GAS7: variants seen among roughly 807,000 people sequenced by gnomAD.
GAS7 encodes growth arrest specific 7.
A neutral mutation model predicts 71.1 loss-of-function variants in GAS7; 28 were observed. That is an observed-to-expected ratio of 0.39 (90% confidence interval 0.29 to 0.54). The LOEUF is 0.54. GAS7 is among the 20% of genes least tolerant of loss of function. GAS7 has a pLI of 0.62. For missense variants in GAS7, 436 were observed against 627.8 expected (o/e 0.69, Z 3.27); for synonymous variants, 258 against 245.8 (o/e 1.05, Z -0.46).
intron 1 of GAS7, among the ~76,000 whole-genome samples, chr17:10,078,955 G>A (rs1378180006): frequency 6.6e-6 from 1 of 152,198 alleles, no homozygotes; most frequent in African/African-American, 2.4e-5. Context: ...TTGGGAAGCT[G>A]AGGTGGGAAG....
At chr17:9,983,185 TTGTGAATACCTTTCCAAAATC>T (rs1008299620) in intron 2 of GAS7, among the ~76,000 whole-genome samples, 5 of 152,146 alleles carry the variant, frequency 3.3e-5, no homozygotes, top group African/African-American at 1.2e-4. Flanking sequence ...GTATAAATTT[TTGTGAATACCTTTCCAAAATC>T]TGTCCAGGCA....
Position 9,919,814 on chromosome 17 carries a change from G to A in GAS7, c.1139-109C>T, listed in dbSNP as rs377428791. 1.9e-4 allele frequency: 157 copies of A among 846,726 alleles called. 2 individuals carry two copies. The South Asian group carries it at 2.1e-3, about 11-fold the overall frequency. The allele number at this position is 846,726 out of a possible 1,614,324, so 52.5% of individuals were successfully genotyped here. A position where few individuals can be genotyped will look rare whatever the true frequency, so the allele number is the denominator to read the frequency against. On this transcript the variant is annotated intron_variant, in intron 11 of 13. Coordinates refer to ENST00000432992, the MANE Select transcript of GAS7 (RefSeq NM_201433.2). The surrounding 1 kb of genome is among the most constrained non-coding windows in gnomAD (Gnocchi z 5.0). ...CTTCTCCTCCCCCTGGGGTCATGGT[G>A]GCCGCTGGAAAGCTGGAAAAGGGAT...
intron 1 of GAS7, among the ~76,000 whole-genome samples, chr17:10,134,363 C>A (rs985450208): frequency 6.6e-6 from 1 of 152,144 alleles, no homozygotes; most frequent in Non-Finnish European, 1.5e-5. Context: ...CCTCTCTGGG[C>A]TATTGTGAAC....
At chr17:10,056,128 A>G (rs769018995) in intron 1 of GAS7, among the ~76,000 whole-genome samples, 3 of 151,362 alleles carry the variant, frequency 2.0e-5, no homozygotes, top group Non-Finnish European at 4.4e-5. Context: ...TAATCCCAGC[A>G]CTTTGAGATC....
chr17:10,169,441 A>G (rs1209732036), intron 1 of GAS7, among the ~76,000 whole-genome samples: 1 of 152,176 alleles, frequency 6.6e-6, no homozygotes, highest in Non-Finnish European at 1.5e-5. Context: ...TGCTGTTTGT[A>G]ATGAAACAGA....
chr17:10,019,676 A>T (rs2072183003), intron 2 of GAS7, 101 bp downstream of exon 2: 3 of 1,185,992 alleles, frequency 2.5e-6, no homozygotes, highest in African/African-American at 1.5e-5. Context: ...AGAAGAAAAA[A>T]CCCCCAAACA....
chr17:10,180,456 T>C (rs1407428762), intron 1 of GAS7, among the ~76,000 whole-genome samples: 4 of 151,996 alleles, frequency 2.6e-5, no homozygotes, highest in Non-Finnish European at 4.4e-5. Flanking sequence ...CTCATCACCA[T>C]TGCACCAAAC....
chr17:10,009,750 T>C lies in GAS7; in HGVS notation c.304+10027A>G, dbSNP rs117393029. Among the ~76,000 whole-genome samples, 174 of 150,616 alleles carry C rather than the reference T, an allele frequency of 1.2e-3. 4 individuals are homozygous for C. In the East Asian group the frequency reaches 0.031, roughly 27 times the overall value. On this transcript the variant is annotated intron_variant, in intron 2 of 13. Transcript: ENST00000432992. ...AGCCTGGTGTGGTGACATATGCCCA[T>C]GGTCCCAGCTACTTGGAAGGCTAAG...
chr17:10,036,857 C>T, intron 1 of GAS7: 1 of 407,762 alleles, frequency 2.5e-6, no homozygotes, highest in Non-Finnish European at 3.6e-6. Flanking sequence ...TGAGCAGATG[C>T]CTCCCACCCC....
At position 9,981,858 on chromosome 17, in the gene GAS7, A is replaced by T; in HGVS notation, c.331T>A (p.Ser111Thr). 2 of 1,599,016 alleles carry T rather than the reference A, an allele frequency of 1.3e-6. No individual in the cohort carries two copies. The highest frequency in any genetic ancestry group is 1.7e-6 in the Non-Finnish European group (2 of 1,166,198). Residue 111 changes from serine to threonine, a missense_variant, in exon 3 of 14, where the codon TCT becomes ACT. By Grantham distance (58) the Ser-to-Thr change is moderately conservative (BLOSUM62 1). Coordinates refer to ENST00000432992, the MANE Select transcript of GAS7 (RefSeq NM_201433.2). The surrounding 1 kb of genome is among the most constrained non-coding windows in gnomAD (Gnocchi z 4.4). ...NETTWERPSS[S>T]PGIPASPGSH... ...CCAGGGCTGGCTGGAATCCCAGGAG[A>T]ACTGCTGGGACGTTCCCAGGTGGTC... is the stretch of plus-strand genomic sequence containing the variant.
At chr17:9,968,836 G>C (rs1024505581) in intron 4 of GAS7, among the ~76,000 whole-genome samples, 5 of 152,132 alleles carry the variant, frequency 3.3e-5, no homozygotes, top group African/African-American at 1.2e-4. Context: ...TTATCATCAT[G>C]ATCATCATCA....
chr17:10,091,341 T>C (rs936497113), intron 1 of GAS7, among the ~76,000 whole-genome samples: 1 of 152,146 alleles, frequency 6.6e-6, no homozygotes, highest in African/African-American at 2.4e-5. Flanking sequence ...ACATTGTGAA[T>C]GTACCAAATG....
rs1023400713 is a variant in GAS7, at chr17:10,156,442, A to G, written c.183+41766T>C. On this transcript the variant is annotated intron_variant, in intron 1 of 13. Transcript: ENST00000432992. Reference sequence around the variant, plus strand: ...TCCAAACTCGTCAAGAGAAGTTTTAAATATATTCTCCCAGAGCAAATAATT... The same window carrying G: ...TCCAAACTCGTCAAGAGAAGTTTTAGATATATTCTCCCAGAGCAAATAATT... Among the ~76,000 whole-genome samples the G allele has an allele frequency of 4.6e-5, 7 of 152,356 alleles. No homozygotes were observed. In the Middle Eastern group the frequency reaches 0.01, roughly 222 times the overall value.
rs376056232 is a variant in GAS7 at position 10,126,216 on chromosome 17, ATCCTGTCC to A, written c.183+71984_183+71991del. ...CAGACAGGAGAAAGTATTTGCTCTA[ATCCTGTCC>A]GTTCTCCTGGAACTTCCTGGAGTTC... On this transcript the variant is annotated intron_variant, in intron 1 of 13. Transcript: ENST00000432992. 7.7e-4 allele frequency among the ~76,000 whole-genome samples: 118 copies of A among 152,282 alleles called. No individual in the cohort carries two copies. In the East Asian group the frequency reaches 0.022, roughly 28 times the overall value.
At chr17:10,077,675 T>C (rs920722650) in intron 1 of GAS7, among the ~76,000 whole-genome samples, 7 of 152,164 alleles carry the variant, frequency 4.6e-5, no homozygotes, top group African/African-American at 1.7e-4. Context: ...GCTTCTGGAC[T>C]CAGAGACACC....
chr17:10,009,064 T>C (rs1032566997), intron 2 of GAS7, among the ~76,000 whole-genome samples: 4 of 152,030 alleles, frequency 2.6e-5, no homozygotes, highest in African/African-American at 9.7e-5. Flanking sequence ...CTCACGCCTG[T>C]AATCCCAGCA....
At chr17:10,058,629 C>T (rs1005013279) in intron 1 of GAS7, among the ~76,000 whole-genome samples, 4 of 152,164 alleles carry the variant, frequency 2.6e-5, no homozygotes, top group Admixed American at 1.3e-4. Context: ...CCGGTGCCAT[C>T]CTCTCCCAGA....
intron 13 of GAS7, 31 bp from the exon 14 acceptor site, chr17:9,917,372 T>C: frequency 6.7e-7 from 1 of 1,499,046 alleles, no homozygotes; most frequent in South Asian, 1.1e-5. Context: ...GCGACACTGT[T>C]AGAGACGGCG....
At chr17:10,063,784 T>C (rs1203103085) in intron 1 of GAS7, among the ~76,000 whole-genome samples, 1 of 152,112 alleles carries the variant, frequency 6.6e-6, no homozygotes, top group Non-Finnish European at 1.5e-5. Context: ...CTAGTATGGC[T>C]CCACCCTGGG....
Sources: allele counts gnomAD v4.1 joint callset (sites outside exome capture counted in the v4.1 genomes callset), GRCh38; gene constraint gnomAD v4.1.1; non-coding constraint Gnocchi (gnomAD v3.1); transcripts MANE v1.5; gene names NCBI Gene and HGNC (gene_info 2026-07-23, HGNC 2026-07-21).